The following CTPS2 variants were observed in gnomAD, a reference collection of about 807,000 sequenced individuals.
CTPS2 encodes the protein CTP synthase II.
In CTPS2, 19 loss-of-function variants were observed where a neutral mutation model predicts 46.8. The ratio of observed to expected loss-of-function variants is 0.41; its 90% confidence interval spans 0.28 to 0.60. The LOEUF is 0.60. CTPS2 is among the 20% of genes least tolerant of loss of function. CTPS2 has a pLI of 0.35. For missense variants in CTPS2, 286 were observed against 447.6 expected (o/e 0.64, Z 3.26); for synonymous variants, 151 against 165.2 (o/e 0.91, Z 0.66).
chrX:16,703,310 A>T (rs1287453803), intron 1 of CTPS2, among the ~76,000 whole-genome samples: 2 of 107,614 alleles, frequency 1.9e-5, no homozygotes, highest in Non-Finnish European at 3.8e-5. Flanking sequence ...AACAGGCATG[A>T]GCCACCGCAC....
intron 7 of CTPS2, among the ~76,000 whole-genome samples, chrX:16,690,485 G>T (rs979114604): frequency 9.0e-6 from 1 of 111,643 alleles, no homozygotes; most frequent in African/African-American, 3.3e-5. Flanking sequence ...TCAGACTTCG[G>T]CAATGACTCT....
rs1335279444 is a variant in CTPS2, at chrX:16,712,467, T to A, written c.-172A>T. On this transcript the variant is annotated 5_prime_UTR_variant, in exon 1 of 19. Coordinates refer to ENST00000359276, the MANE Select transcript of CTPS2 (RefSeq NM_175859.3). ...GGGCTGTCCAAAGCCGCCCCCGGGA[T>A]CTTCCCACCGCCCACACGGGCCTCG... 1 of 112,537 alleles carries A rather than the reference T, an allele frequency of 8.9e-6. No individual in the cohort carries two copies. The highest frequency in any genetic ancestry group is 3.2e-5 in the African/African-American group (1 of 31,028). 9.3% of individuals were successfully genotyped at this position (112,537 alleles called of 1,213,427 possible). A position where few individuals can be genotyped will look rare whatever the true frequency, so the allele number is the denominator to read the frequency against.
At chrX:16,646,249 C>T (rs5936157) in intron 13 of CTPS2, among the ~76,000 whole-genome samples, 6,091 of 112,291 alleles carry the variant, frequency 0.054, 179 homozygotes, top group Middle Eastern at 0.14. Flanking sequence ...GTTGAGGGTG[C>T]AGGCTGGGCC....
chrX:16,685,631 G>A (rs1025350265), intron 8 of CTPS2, among the ~76,000 whole-genome samples: 1 of 108,000 alleles, frequency 9.3e-6, no homozygotes, highest in Non-Finnish European at 1.9e-5. Flanking sequence ...GGCCGAGGTG[G>A]GCGGATTACG....
At chrX:16,703,564 C>T (rs980305909) in intron 1 of CTPS2, among the ~76,000 whole-genome samples, 3 of 111,579 alleles carry the variant, frequency 2.7e-5, no homozygotes, top group Non-Finnish European at 5.6e-5. Context: ...AACTCCTGGG[C>T]TCAAGCAATC....
At chrX:16,706,920 G>A (rs566626111) in intron 1 of CTPS2, among the ~76,000 whole-genome samples, 151 of 108,788 alleles carry the variant, frequency 1.4e-3, no homozygotes, top group African/African-American at 4.9e-3. Flanking sequence ...GTATGCGCCT[G>A]TAATCCCAGC....
In CTPS2 at chrX:16,698,941, G is replaced by A; in HGVS notation, c.319C>T (p.Leu107=). The A allele has an allele frequency of 1.7e-6, 2 of 1,201,373 alleles. No homozygotes were observed. Among genetic ancestry groups the A allele is most frequent in the Admixed American group, 2.3e-5 (1 of 44,327 alleles). ...VINKERRGDY[L]GKTVQVVPHI... is the part of the protein sequence containing the mutation. The stretch of plus-strand genomic sequence containing the variant: ...ATAATACCTTGCACTGTTTTCCCCA[G>A]GTAATCACCACGCCTCTCTTTATTG... Residue 107 remains leucine, a synonymous_variant, in exon 3 of 19, where the codon CTG becomes TTG. Coordinates refer to ENST00000359276, the MANE Select transcript of CTPS2 (RefSeq NM_175859.3).
At chrX:16,702,973 G>A in intron 1 of CTPS2, 32 bp from the exon 2 acceptor site, 3 of 908,547 alleles carry the variant, frequency 3.3e-6, no homozygotes, top group Admixed American at 2.9e-5. Flanking sequence ...GATAAGGAAA[G>A]AGAAATATTT....
At chrX:16,669,396 T>G (rs1921528445) in intron 11 of CTPS2, among the ~76,000 whole-genome samples, 1 of 96,015 alleles carries the variant, frequency 1.0e-5, no homozygotes, top group African/African-American at 4.0e-5. Flanking sequence ...CAGAAGTCAA[T>G]AAGCAGGAAA....
intron 14 of CTPS2, among the ~76,000 whole-genome samples, chrX:16,625,124 G>A (rs745334614): frequency 1.7e-4 from 19 of 112,012 alleles, no homozygotes; most frequent in Non-Finnish European, 1.5e-4. Context: ...GTTAAAAGGT[G>A]GAAGCAACCC....
chrX:16,686,692 T>A (rs748996697), intron 8 of CTPS2, among the ~76,000 whole-genome samples: 3 of 111,780 alleles, frequency 2.7e-5, no homozygotes, highest in Non-Finnish European at 3.8e-5. Context: ...TTGCTTGAGC[T>A]CAGGAGTTTG....
chrX:16,643,449 C>A (rs764450504), intron 13 of CTPS2, among the ~76,000 whole-genome samples: 1 of 111,014 alleles, frequency 9.0e-6, no homozygotes, highest in Admixed American at 9.6e-5. Context: ...TGAAGCAATC[C>A]GCCCACCTCA....
At chrX:16,657,581 G>T (rs770509629) in intron 13 of CTPS2, among the ~76,000 whole-genome samples, 1 of 111,108 alleles carries the variant, frequency 9.0e-6, no homozygotes, top group Non-Finnish European at 1.9e-5. Context: ...CTGGGCAGAT[G>T]GGGGGGCAGG....
At chrX:16,612,880 T>A (rs1265297554) in intron 16 of CTPS2, among the ~76,000 whole-genome samples, 1 of 112,095 alleles carries the variant, frequency 8.9e-6, no homozygotes, top group Non-Finnish European at 1.9e-5. Flanking sequence ...AATAGCATCA[T>A]CTGCTTTGTT....
intron 11 of CTPS2, among the ~76,000 whole-genome samples, chrX:16,669,589 G>T (rs1921556076): frequency 1.8e-5 from 2 of 110,071 alleles, no homozygotes; most frequent in African/African-American, 3.3e-5. Context: ...AAAAAACAAT[G>T]GCCCCCAACG....
chrX:16,684,361 T>G (rs1184565172), intron 8 of CTPS2, among the ~76,000 whole-genome samples: 1 of 108,483 alleles, frequency 9.2e-6, no homozygotes, highest in Non-Finnish European at 1.9e-5. Flanking sequence ...ATACAAAAAT[T>G]AGCTGGGCGT....
chrX:16,646,116 C>A (rs893702240), intron 13 of CTPS2, among the ~76,000 whole-genome samples: 1 of 112,950 alleles, frequency 8.9e-6, no homozygotes, highest in African/African-American at 3.2e-5. Flanking sequence ...AGAAAAAGAA[C>A]CTTCTTATAC....
chrX:16,598,178 G>T (rs1929400807), intron 17 of CTPS2, among the ~76,000 whole-genome samples: 1 of 111,368 alleles, frequency 9.0e-6, no homozygotes, highest in Non-Finnish European at 1.9e-5. Context: ...ACATTCAAAA[G>T]CTAGCAGAAG....
chrX:16,678,516 A>T (rs775777357), intron 9 of CTPS2, 66 bp from the exon 10 acceptor site: 388 of 621,634 alleles, frequency 6.2e-4, no homozygotes, highest in South Asian at 2.5e-3. Flanking sequence ...TACTGCAGCC[A>T]TCTAATACTA....
Sources: allele counts gnomAD v4.1 joint callset (sites outside exome capture counted in the v4.1 genomes callset), GRCh38; gene constraint gnomAD v4.1.1; transcripts MANE v1.5; gene names NCBI Gene and HGNC (gene_info 2026-07-23, HGNC 2026-07-21).